The following BRINP3 variants were observed in gnomAD, a reference collection of about 807,000 sequenced individuals.
BRINP3 encodes the protein BMP/retinoic acid inducible neural specific 3, also known as BMP/retinoic acid-inducible neural-specific protein 3.
A neutral mutation model predicts 71.0 loss-of-function variants in BRINP3; 19 were observed. The ratio of observed to expected loss-of-function variants is 0.27; its 90% CI spans 0.19 to 0.39. BRINP3 has a LOEUF of 0.39. Ranked by LOEUF, BRINP3 falls within the 10% of genes least tolerant of loss-of-function variation. The pLI, the probability that BRINP3 is intolerant of heterozygous loss-of-function variation, is 1.00. For missense variants in BRINP3, 959 were observed against 940.8 expected (o/e 1.02, Z -0.25); for synonymous variants, 380 against 337.7 (o/e 1.13, Z -1.37).
chr1:190,271,045 C>T (rs1232779399), intron 3 of BRINP3, among the ~76,000 whole-genome samples: 1 of 151,544 alleles, frequency 6.6e-6, no homozygotes, highest in Non-Finnish European at 1.5e-5. Flanking sequence ...GCAAGAAAGC[C>T]ATTTTAAATA....
chr1:190,310,944 G>A (rs1245969665), intron 2 of BRINP3, among the ~76,000 whole-genome samples: 1 of 151,720 alleles, frequency 6.6e-6, no homozygotes, highest in African/African-American at 2.4e-5. Context: ...GTGAATACCT[G>A]CTAGTGCATG....
chr1:190,320,937 T>TA (rs1279801639), intron 2 of BRINP3, among the ~76,000 whole-genome samples: 1 of 151,896 alleles, frequency 6.6e-6, no homozygotes, highest in Non-Finnish European at 1.5e-5. Flanking sequence ...TGTGTGTTTG[T>TA]ATATATGTAT....
At chr1:190,156,865 G>T (rs75014014) in intron 7 of BRINP3, among the ~76,000 whole-genome samples, 1 of 151,856 alleles carries the variant, frequency 6.6e-6, no homozygotes, top group Non-Finnish European at 1.5e-5. Context: ...TGTGTTGGAC[G>T]CTCCCAGTTT....
intron 4 of BRINP3, among the ~76,000 whole-genome samples, chr1:190,263,587 CTTTTTTTT>C (rs34792964): frequency 7.7e-6 from 1 of 129,454 alleles, no homozygotes. Flanking sequence ...GAAGTAGTAA[CTTTTTTTT>C]TTTTTTTTTT....
At chr1:190,353,262 A>G (rs1216472810) in intron 2 of BRINP3, among the ~76,000 whole-genome samples, 8 of 152,172 alleles carry the variant, frequency 5.3e-5, no homozygotes, top group Admixed American at 1.3e-4. Context: ...CACAAAATGA[A>G]GAGCCAAAAG....
At chr1:190,476,968 T>C (rs1171049) in intron 1 of BRINP3, among the ~76,000 whole-genome samples, 93,151 of 152,088 alleles carry the variant, frequency 0.61, 29,013 homozygotes, top group Non-Finnish European at 0.67. Flanking sequence ...CAACAAAGTC[T>C]TCCTTCAGTC....
At position 190,336,563 on chromosome 1, in the gene BRINP3, G is replaced by A. The variant is rs148707621; in HGVS notation, c.237-54813C>T. Among the ~76,000 whole-genome samples, 1,267 of 152,042 alleles carry A rather than the reference G, an allele frequency of 8.3e-3. 10 individuals carry two copies. The highest frequency in any genetic ancestry group is 0.014 in the Middle Eastern group (4 of 294). ...ATCAAACACCACACACCTCTAATGAGATTTTTAACCCAGGACAAATATCAC... is the reference window on the plus strand; with the variant it reads ...ATCAAACACCACACACCTCTAATGAAATTTTTAACCCAGGACAAATATCAC... On this transcript the variant is annotated intron_variant, in intron 2 of 7. Coordinates refer to ENST00000367462, the MANE Select transcript of BRINP3 (RefSeq NM_199051.3).
chr1:190,449,416 T>C (rs1675454491), intron 2 of BRINP3, among the ~76,000 whole-genome samples: 1 of 152,116 alleles, frequency 6.6e-6, no homozygotes, highest in Non-Finnish European at 1.5e-5. Flanking sequence ...TAATCTCTCC[T>C]ACTGAATCTT....
chr1:190,259,658 AT>A (rs1481488397), intron 4 of BRINP3, among the ~76,000 whole-genome samples: 82 of 139,702 alleles, frequency 5.9e-4, no homozygotes, highest in Non-Finnish European at 9.4e-4. Flanking sequence ...AAATAAATAA[AT>A]AAATAAAATA....
chr1:190,164,742 A>T (rs1404660243), intron 6 of BRINP3, among the ~76,000 whole-genome samples: 1 of 151,774 alleles, frequency 6.6e-6, no homozygotes, highest in African/African-American at 2.4e-5. Flanking sequence ...ATGCCTAGCT[A>T]ATATTTTATC....
intron 6 of BRINP3, among the ~76,000 whole-genome samples, chr1:190,187,901 C>A (rs1189463301): frequency 2.1e-5 from 3 of 140,026 alleles, no homozygotes; most frequent in Non-Finnish European, 4.7e-5. Flanking sequence ...GTTTTTTTTT[C>A]TATTTTTTTT....
At chr1:190,206,557 A>G (rs1655518956) in intron 6 of BRINP3, among the ~76,000 whole-genome samples, 2 of 152,212 alleles carry the variant, frequency 1.3e-5, no homozygotes, top group African/African-American at 2.4e-5. Context: ...ATACTTAAGA[A>G]TTGTTCCTCA....
intron 7 of BRINP3, among the ~76,000 whole-genome samples, chr1:190,111,691 G>A (rs1652711327): frequency 6.6e-6 from 1 of 152,104 alleles, no homozygotes; most frequent in Admixed American, 6.6e-5. Context: ...CCTGAAAATG[G>A]ACATGAGGTC....
At chr1:190,103,945 T>C (rs1440107708) in intron 7 of BRINP3, among the ~76,000 whole-genome samples, 1 of 151,926 alleles carries the variant, frequency 6.6e-6, no homozygotes, top group Non-Finnish European at 1.5e-5. Context: ...TTCAGTAGTT[T>C]GTAAATGCTA....
intron 7 of BRINP3, among the ~76,000 whole-genome samples, chr1:190,135,179 A>G (rs1654871443): frequency 6.6e-6 from 1 of 152,110 alleles, no homozygotes; most frequent in Non-Finnish European, 1.5e-5. Context: ...TATGGGAATT[A>G]ATCCTTTCAA....
At chr1:190,378,459 C>G (rs1670318934) in intron 2 of BRINP3, among the ~76,000 whole-genome samples, 1 of 152,060 alleles carries the variant, frequency 6.6e-6, no homozygotes, top group Non-Finnish European at 1.5e-5. Flanking sequence ...CCTGGGTTGT[C>G]TTTTGAAGGA....
At chr1:190,251,129 G>C (rs1660102458) in intron 4 of BRINP3, among the ~76,000 whole-genome samples, 1 of 151,626 alleles carries the variant, frequency 6.6e-6, no homozygotes, top group Non-Finnish European at 1.5e-5. Context: ...TCCCTTTTTA[G>C]CAATTGGTTT....
intron 5 of BRINP3, among the ~76,000 whole-genome samples, chr1:190,228,665 C>T (rs1303520742): frequency 6.6e-6 from 1 of 151,806 alleles, no homozygotes. Flanking sequence ...GGTTTAGGGA[C>T]GCAGCGCTCA....
intron 2 of BRINP3, among the ~76,000 whole-genome samples, chr1:190,363,294 G>A (rs1013041358): frequency 6.6e-6 from 1 of 152,148 alleles, no homozygotes; most frequent in African/African-American, 2.4e-5. Context: ...GAGGAATCTA[G>A]TCAACACCTT....
Sources: gnomAD v4.1 joint callset for allele counts (sites outside exome capture counted in the v4.1 genomes callset) on GRCh38, gnomAD v4.1.1 for gene constraint, MANE v1.5 for transcripts, NCBI Gene and HGNC (gene_info 2026-07-23, HGNC 2026-07-21) for gene names.